IQSEC1: variants seen among roughly 807,000 people sequenced by gnomAD.
The protein encoded by IQSEC1 is IQ motif and SEC7 domain-containing protein 1.
Under a neutral mutation model 91.0 loss-of-function variants are expected in IQSEC1, and 31 were observed. That is an observed-to-expected ratio of 0.34 (90% CI 0.26 to 0.46). IQSEC1 has a LOEUF of 0.46. Ranked by LOEUF, IQSEC1 falls within the 20% of genes least tolerant of loss-of-function variation. The pLI is 1.00. For missense variants in IQSEC1, 1,388 were observed against 1,575.6 expected, an observed-to-expected ratio of 0.88 and a Z score of 2.02; for synonymous variants, 699 against 662.6, an observed-to-expected ratio of 1.05 and a Z score of -0.84.
rs1695767916 is a variant in IQSEC1, at chr3:12,913,530, C to T, written c.2214G>A (p.Arg738=). 1 of 1,606,146 alleles carries T rather than the reference C, an allele frequency of 6.2e-7. No homozygotes were observed. The highest frequency in any genetic ancestry group is 1.3e-5 in the African/African-American group (1 of 74,718). ...LGCVLSLPHR[R]LVCYCRLFEV... is the part of the protein sequence containing the mutation. Reference sequence around the variant, plus strand: ...CAAAGAGCCGGCAGTAGCAGACCAACCGACGGTGGGGCAGAGAGAGCACCT... The same window carrying T: ...CAAAGAGCCGGCAGTAGCAGACCAATCGACGGTGGGGCAGAGAGAGCACCT... Residue 738 remains arginine (R), a synonymous_variant, in exon 9 of 14, where the codon CGG becomes CGA. Coordinates refer to ENST00000613206, the MANE Select transcript of IQSEC1 (RefSeq NM_001134382.3).
At chr3:13,263,439 G>GGGGGGA (rs1553581065) in intron 1 of IQSEC1, among the ~76,000 whole-genome samples, 166 of 107,224 alleles carry the variant, frequency 1.5e-3, no homozygotes, top group Admixed American at 1.7e-3. Context: ...GGGGGGGGGG[G>GGGGGGA]AAAGTACCTG....
chr3:13,034,790 C>T (rs368350050), intron 1 of IQSEC1, among the ~76,000 whole-genome samples: 15 of 152,246 alleles, frequency 9.9e-5, no homozygotes, highest in African/African-American at 3.4e-4. Context: ...CTCACCTGCA[C>T]CGGCTCCTGA....
At position 13,273,912 on chromosome 3, in the gene IQSEC1, C is replaced by G. The variant is rs145703336; in HGVS notation, c.272+8799G>C. 3.9e-5 allele frequency among the ~76,000 whole-genome samples: 6 copies of G among 152,308 alleles called. No homozygotes were observed. In the East Asian group the frequency reaches 1.2e-3, roughly 29 times the overall value. On this transcript the variant is annotated intron_variant, in intron 1 of 15. Coordinates refer to the IQSEC1 transcript ENST00000648114. ...ACTCTGCCCCATGCACACTGGTCCG[C>G]TCCCTGCACCTCAACCACGCCGCCA...
rs1278422278 is a variant in IQSEC1 at position 13,029,731 on chromosome 3, C to T, written c.23+43261G>A. On this transcript the variant is annotated intron_variant, in intron 1 of 13. Transcript: ENST00000613206. Reference sequence around the variant, plus strand: ...TGTGAGATGTGTGTGTGCGTGCATGCGTGCACGTGTCCACACAAATCCCCT... The same window carrying T: ...TGTGAGATGTGTGTGTGCGTGCATGTGTGCACGTGTCCACACAAATCCCCT... Among the ~76,000 whole-genome samples the T allele has an allele frequency of 3.9e-5, 6 of 152,352 alleles. No individual in the cohort carries two copies. The East Asian group carries it at 7.7e-4, about 20-fold the overall frequency.
Position 12,899,453 on chromosome 3 carries a change from G to A in IQSEC1, c.*1530C>T, listed in dbSNP as rs1188464871. On this transcript the variant is annotated 3_prime_UTR_variant, in exon 14 of 14. Coordinates refer to ENST00000613206, the MANE Select transcript of IQSEC1 (RefSeq NM_001134382.3). Reference sequence around the variant, plus strand: ...GCTGAAACTACAAAGTATGGCCCGTGGGTGACTCGGGCACAGACCTGCCGC... The same window carrying A: ...GCTGAAACTACAAAGTATGGCCCGTAGGTGACTCGGGCACAGACCTGCCGC... The A allele has an allele frequency of 1.2e-6, 2 of 1,605,900 alleles. No homozygotes were observed. Among genetic ancestry groups the A allele is most frequent in the Admixed American group, 3.4e-5 (2 of 58,992 alleles).
chr3:13,039,464 G>A (rs751090654), intron 1 of IQSEC1, among the ~76,000 whole-genome samples: 2 of 152,226 alleles, frequency 1.3e-5, no homozygotes, highest in African/African-American at 2.4e-5. Flanking sequence ...TGGGATCGCC[G>A]TTTTAAACAA....
At chr3:13,265,000 A>C (rs1000743840) in intron 1 of IQSEC1, among the ~76,000 whole-genome samples, 1 of 152,120 alleles carries the variant, frequency 6.6e-6, no homozygotes, top group South Asian at 2.1e-4. Context: ...TGAGGGCAGA[A>C]GGATAAGAAG....
intron 1 of IQSEC1, among the ~76,000 whole-genome samples, chr3:12,969,815 A>C (rs1341185770): frequency 2.0e-5 from 3 of 152,238 alleles, no homozygotes; most frequent in Non-Finnish European, 4.4e-5. Context: ...TTTCGCTGTT[A>C]GCATTTGGAA....
In IQSEC1 at chr3:13,282,065, C is replaced by T. The variant is rs1371894944; in HGVS notation, c.272+646G>A. ...CTGGGGTCCAGGGCTGCTGGACAGC[C>T]CCGCCCTGTACCTCTCCCCATCCCT... On this transcript the variant is annotated intron_variant, in intron 1 of 15. Coordinates refer to the IQSEC1 transcript ENST00000648114. The surrounding 1 kb of genome is among the most constrained non-coding windows in gnomAD (Gnocchi z 6.4). Among the ~76,000 whole-genome samples, 3 of 152,216 alleles carry T rather than the reference C, an allele frequency of 2.0e-5. No homozygotes were observed. The highest frequency in any genetic ancestry group is 4.4e-5 in the Non-Finnish European group (3 of 68,012).
chr3:13,162,610 T>C (rs967768831), intron 2 of IQSEC1, among the ~76,000 whole-genome samples: 1 of 152,226 alleles, frequency 6.6e-6, no homozygotes, highest in African/African-American at 2.4e-5. Context: ...GTTTCCTTCC[T>C]GCTTCTTTTT....
intron 1 of IQSEC1, among the ~76,000 whole-genome samples, chr3:13,060,396 C>CG (rs35973463): frequency 0.16 from 23,789 of 152,140 alleles, 2,115 homozygotes; most frequent in Middle Eastern, 0.31. Context: ...CGGTGGGGCC[C>CG]GGGACCTTAC....
At chr3:13,073,794 C>T (rs1705514674), upstream of IQSEC1, among the ~76,000 whole-genome samples, 1 of 152,272 alleles carries the variant, frequency 6.6e-6, no homozygotes, top group African/African-American at 2.4e-5. Flanking sequence ...CTGTCTCTGC[C>T]ACTGAAGGGC....
In IQSEC1 at chr3:12,900,751, C is replaced by T. The variant is rs908435507; in HGVS notation, c.*232G>A. On this transcript the variant is annotated 3_prime_UTR_variant, in exon 14 of 14. Transcript: ENST00000613206. ...TGATGGTGTCTGAGGCCCACCCATC[C>T]CTCAGACTGAGGTGAGCAGAGCCCA... 1.4e-6 allele frequency: 2 copies of T among 1,423,830 alleles called. No individual in the cohort carries two copies. The highest frequency in any genetic ancestry group is 1.4e-5 in the African/African-American group (1 of 69,438). The allele number at this position is 1,423,830 out of a possible 1,614,324, so 88.2% of individuals were successfully genotyped here. A position where few individuals can be genotyped will look rare whatever the true frequency, so the allele number is the denominator to read the frequency against.
chr3:13,009,158 G>A (rs1444715801), intron 1 of IQSEC1, among the ~76,000 whole-genome samples: 1 of 152,216 alleles, frequency 6.6e-6, no homozygotes, highest in African/African-American at 2.4e-5. Context: ...TCATGTGCCT[G>A]CTCTGTCTTC....
At chr3:13,075,949 C>A (rs751770557), upstream of IQSEC1, among the ~76,000 whole-genome samples, 11 of 152,226 alleles carry the variant, frequency 7.2e-5, no homozygotes, top group African/African-American at 2.4e-4. Flanking sequence ...CTTCACCTAC[C>A]TCATGACCCC....
intron 1 of IQSEC1, among the ~76,000 whole-genome samples, chr3:13,173,634 C>T (rs1408867169): frequency 6.6e-6 from 1 of 152,226 alleles, no homozygotes; most frequent in Non-Finnish European, 1.5e-5. Flanking sequence ...TGTCAGGCCC[C>T]TGCATGAGGA....
At chr3:13,046,831 C>T (rs360901) in intron 1 of IQSEC1, among the ~76,000 whole-genome samples, 56,094 of 151,794 alleles carry the variant, frequency 0.37, 11,324 homozygotes, top group East Asian at 0.64. Flanking sequence ...CCGAACACAG[C>T]CCTCTAAGCC....
At chr3:13,263,705 T>C (rs918138551) in intron 1 of IQSEC1, among the ~76,000 whole-genome samples, 1 of 152,228 alleles carries the variant, frequency 6.6e-6, no homozygotes, top group African/African-American at 2.4e-5. Context: ...CCTCTCAAAG[T>C]GCTGGGATTA....
chr3:12,967,485 C>G lies in IQSEC1; in HGVS notation c.24-25620G>C, dbSNP rs1200797244. On this transcript the variant is annotated intron_variant, in intron 1 of 13. Coordinates refer to ENST00000613206, the MANE Select transcript of IQSEC1 (RefSeq NM_001134382.3). The surrounding 1 kb of genome is among the most constrained non-coding windows in gnomAD (Gnocchi z 5.9). ...CAGTGGGAGCGGGCCGGGCCGGGAGCCGGGACCCAGGCCCAGCAGAGGCCG... is the reference window on the plus strand; with the variant it reads ...CAGTGGGAGCGGGCCGGGCCGGGAGGCGGGACCCAGGCCCAGCAGAGGCCG... The G allele has an allele frequency of 1.3e-6, 2 of 1,497,058 alleles. No individual in the cohort carries two copies. Among genetic ancestry groups the G allele is most frequent in the South Asian group, 2.5e-5 (2 of 79,942 alleles). The allele number at this position is 1,497,058 out of a possible 1,614,324, so 92.7% of individuals were successfully genotyped here.
Sources: allele counts gnomAD v4.1 joint callset (sites outside exome capture counted in the v4.1 genomes callset), GRCh38; gene constraint gnomAD v4.1.1; non-coding constraint Gnocchi (gnomAD v3.1); transcripts MANE v1.5; gene names NCBI Gene and HGNC (gene_info 2026-07-23, HGNC 2026-07-21).